Variants in DNMT1 observed in about 807,000 individuals in gnomAD.
DNMT1 encodes DNA (cytosine-5)-methyltransferase 1.
Under a neutral mutation model 205.3 loss-of-function variants are expected in DNMT1, and 24 were observed. The ratio of observed to expected loss-of-function variants is 0.12; its 90% confidence interval spans 0.08 to 0.16. DNMT1 has a LOEUF of 0.16. Among genes scored for constraint, DNMT1 ranks in the 10% least tolerant of loss-of-function variants. The probability of loss-of-function intolerance (pLI) is 1.00; values close to 1 mark genes in which losing one functional copy is unlikely to be tolerated. For synonymous variants in DNMT1, 817 were observed against 839.8 expected (o/e 0.97, Z 0.47); for missense variants, 1,293 against 2,177.7 (o/e 0.59, Z 8.09).
intron 13 of DNMT1, 48 bp downstream of exon 13, chr19:10,162,619 G>GA: frequency 3.6e-6 from 5 of 1,407,808 alleles, no homozygotes; most frequent in South Asian, 1.2e-5. Flanking sequence ...CCCGTCTTGG[G>GA]GAAAAAAAAA....
intron 38 of DNMT1, 48 bp from the exon 39 acceptor site, chr19:10,135,900 G>A (rs1262269688): frequency 6.5e-7 from 1 of 1,531,302 alleles, no homozygotes; most frequent in Non-Finnish European, 8.8e-7. Flanking sequence ...CCCAGGCCGG[G>A]TCACCGTCGG....
intron 10 of DNMT1, among the ~76,000 whole-genome samples, chr19:10,167,525 G>A (rs2038722609): frequency 6.6e-6 from 1 of 152,174 alleles, no homozygotes; most frequent in African/African-American, 2.4e-5. Context: ...GTTTGAAAAA[G>A]TGCTACTTTT....
Position 10,137,948 on chromosome 19 carries a change from C to T in DNMT1, c.4177G>A (p.Val1393Met). The T allele has an allele frequency of 6.2e-7, 1 of 1,612,078 alleles. No individual in the cohort carries two copies. The highest frequency in any genetic ancestry group is 8.5e-7 in the Non-Finnish European group (1 of 1,179,370). The change falls in exon 36 of 41, where the codon GTG becomes ATG. Residue 1393 changes from valine to methionine, a missense_variant. By Grantham distance (21) the Val-to-Met change is conservative. This residue lies in a region of DNMT1 where 148 missense variants were observed against 256.1 expected (regional missense o/e 0.58). Transcript: ENST00000359526. This position sits in a 1 kb window ranked among gnomAD's most constrained non-coding sequence, Gnocchi z 6.4. ...VRDTMSDLPEVRNGASALEIS... is the reference protein window; with the variant it reads ...VRDTMSDLPEMRNGASALEIS... ...TCCAGTGCCGAGGCTCCATTCCGCA[C>T]CTCCGGCAGGTCGGACATCGTGTCT...
chr19:10,150,732 G>A (rs1294355774), intron 24 of DNMT1, among the ~76,000 whole-genome samples: 1 of 152,182 alleles, frequency 6.6e-6, no homozygotes, highest in African/African-American at 2.4e-5. Context: ...CGGATGGGAG[G>A]CCATCTGTTG....
chr19:10,178,140 C>T (rs1477844893), intron 5 of DNMT1, among the ~76,000 whole-genome samples: 1 of 151,066 alleles, frequency 6.6e-6, no homozygotes, highest in Admixed American at 6.6e-5. Context: ...GCCTGTAGTC[C>T]CAGCTCCTCA....
At chr19:10,161,959 A>G (rs1217583072) in intron 13 of DNMT1, among the ~76,000 whole-genome samples, 2 of 151,484 alleles carry the variant, frequency 1.3e-5, no homozygotes, top group Non-Finnish European at 2.9e-5. Flanking sequence ...CTCCTGCCTC[A>G]GCTTCCCAAG....
intron 1 of DNMT1, among the ~76,000 whole-genome samples, chr19:10,191,268 A>G (rs1474809597): frequency 6.6e-6 from 1 of 151,764 alleles, no homozygotes; most frequent in Non-Finnish European, 1.5e-5. Context: ...GCCACAGAGC[A>G]AGACCCTGCC....
chr19:10,136,985 G>A, intron 37 of DNMT1, 100 bp downstream of exon 37: 5 of 1,491,122 alleles, frequency 3.4e-6, no homozygotes, highest in South Asian at 1.2e-5. Flanking sequence ...GGCTTGGTGT[G>A]TCTGTGCCCT....
chr19:10,140,177 C>T lies in DNMT1; in HGVS notation c.3675G>A (p.Gln1225=). ...CCACGTCTCCCTTCTGGGGCAGCCG[C>T]TGGCCGCGGGAGTTGGTGGTCTCCC... The part of the protein sequence containing the change: ...MAGETTNSRG[Q]RLPQKGDVEM... Residue 1225 remains glutamine, a synonymous_variant, in exon 33 of 41, where the codon CAG becomes CAA. Transcript: ENST00000359526. The surrounding 1 kb of genome is among the most constrained non-coding windows in gnomAD (Gnocchi z 8.4). The T allele has an allele frequency of 6.2e-7, 1 of 1,613,994 alleles. No individual in the cohort carries two copies. The highest frequency in any genetic ancestry group is 8.5e-7 in the Non-Finnish European group (1 of 1,180,042).
At chr19:10,152,936 C>CAAAAAAAA (rs34698448) in intron 22 of DNMT1, among the ~76,000 whole-genome samples, 1 of 72,588 alleles carries the variant, frequency 1.4e-5, no homozygotes, top group Non-Finnish European at 3.3e-5. Context: ...CCTGTCTCTA[C>CAAAAAAAA]AAAAAAAAAA....
chr19:10,143,635 A>G lies in DNMT1; in HGVS notation c.3116+131T>C, dbSNP rs1192214148. Reference sequence around the variant, plus strand: ...ATTATCAGTGCCCACCGATAATCAGAAACACTTGGAAAAACAGCTACTTCA... The same window carrying G: ...ATTATCAGTGCCCACCGATAATCAGGAACACTTGGAAAAACAGCTACTTCA... On this transcript the variant is annotated intron_variant, in intron 29 of 40. Transcript: ENST00000359526. 6.6e-6 allele frequency: 7 copies of G among 1,053,662 alleles called. No homozygotes were observed. In the South Asian group the frequency reaches 7.7e-5, roughly 12 times the overall value. The allele number at this position is 1,053,662 out of a possible 1,614,324, so 65.3% of individuals were successfully genotyped here.
Position 10,159,484 on chromosome 19 carries a change from C to T in DNMT1, c.1280+174G>A, listed in dbSNP as rs1371222471. Among the ~76,000 whole-genome samples the T allele has an allele frequency of 1.3e-5, 2 of 152,182 alleles. No individual in the cohort carries two copies. The highest frequency in any genetic ancestry group is 4.1e-4 in the South Asian group (2 of 4,832). ...TCGGCCTCCCAAAGTGCTAGGATTA[C>T]AGGCATGAGCCACCGCGCCCAGCCC... On this transcript the variant is annotated intron_variant, in intron 17 of 40. Coordinates refer to ENST00000359526, the MANE Select transcript of DNMT1 (RefSeq NM_001130823.3). This position sits in a 1 kb window ranked among gnomAD's most constrained non-coding sequence, Gnocchi z 5.0.
At chr19:10,145,234 C>T (rs1411434188) in intron 28 of DNMT1, among the ~76,000 whole-genome samples, 4 of 152,210 alleles carry the variant, frequency 2.6e-5, no homozygotes, top group Non-Finnish European at 4.4e-5. Context: ...AGGAGTCTGA[C>T]GGGCCCCAAA....
chr19:10,188,664 T>C lies in DNMT1; in HGVS notation c.80+6156A>G, dbSNP rs75933562. On this transcript the variant is annotated intron_variant, in intron 1 of 40. Transcript: ENST00000359526. The stretch of plus-strand genomic sequence containing the variant: ...GAATACAGACCTTGAGATGGGGAGA[T>C]TATCCTGGATTATCTGGGGTGGGCC... 4.9e-3 allele frequency among the ~76,000 whole-genome samples: 749 copies of C among 152,276 alleles called. 5 individuals are homozygous for C. The highest frequency in any genetic ancestry group is 0.017 in the African/African-American group (715 of 41,572).
rs1186663009 is a variant in DNMT1 at position 10,146,095 on chromosome 19, C to T, written c.2894+256G>A. Among the ~76,000 whole-genome samples the T allele has an allele frequency of 2.0e-5, 3 of 152,082 alleles. No homozygotes were observed. The East Asian group carries it at 5.8e-4, about 29-fold the overall frequency. ...TCCCCACTGCCTCGGCCTCCCAAAGCGCTGGGATTACAGGCGTGAGAAACC... is the reference window on the plus strand; with the variant it reads ...TCCCCACTGCCTCGGCCTCCCAAAGTGCTGGGATTACAGGCGTGAGAAACC... On this transcript the variant is annotated intron_variant, in intron 28 of 40. Coordinates refer to ENST00000359526, the MANE Select transcript of DNMT1 (RefSeq NM_001130823.3). This position sits in a 1 kb window ranked among gnomAD's most constrained non-coding sequence, Gnocchi z 4.4.
Position 10,194,943 on chromosome 19 carries a change from C to T in DNMT1, c.-44G>A, listed in dbSNP as rs755440003. The T allele has an allele frequency of 1.9e-6, 3 of 1,570,892 alleles. No individual in the cohort carries two copies. Among genetic ancestry groups the T allele is most frequent in the Admixed American group, 1.9e-5 (1 of 53,916 alleles). The stretch of plus-strand genomic sequence containing the variant: ...CGCGGCGGCGGCAGCGCAGGCGCCC[C>T]GGCTTTTCGCGCGGAAACCGATGGG... On this transcript the variant is annotated 5_prime_UTR_variant, in exon 1 of 41. Transcript: ENST00000359526.
chr19:10,152,519 G>A (rs1007016948), intron 22 of DNMT1, among the ~76,000 whole-genome samples: 1 of 152,002 alleles, frequency 6.6e-6, no homozygotes, highest in African/African-American at 2.4e-5. Context: ...CGGCAACTCA[G>A]GATGCTAAGG....
At position 10,192,241 on chromosome 19, in the gene DNMT1, G is replaced by A. The variant is rs1181350411; in HGVS notation, c.80+2579C>T. 2.6e-5 allele frequency among the ~76,000 whole-genome samples: 4 copies of A among 151,820 alleles called. No individual in the cohort carries two copies. The East Asian group carries it at 7.7e-4, about 29-fold the overall frequency. ...TTCAAGGCTGCAGTAAGCCATGACT[G>A]TGCCACTGCATTCCAGCCTGGGTGA... On this transcript the variant is annotated intron_variant, in intron 1 of 40. Transcript: ENST00000359526.
chr19:10,178,217 A>G (rs917383379), intron 5 of DNMT1, among the ~76,000 whole-genome samples: 1 of 151,956 alleles, frequency 6.6e-6, no homozygotes, highest in African/African-American at 2.4e-5. Context: ...AGATTGTGCC[A>G]CTGCACTCCA....
Sources: gnomAD v4.1 joint callset for allele counts (sites outside exome capture counted in the v4.1 genomes callset) on GRCh38, gnomAD v4.1.1 for gene constraint, gnomAD v4.1.1 regional missense constraint, Gnocchi (gnomAD v3.1) non-coding constraint, MANE v1.5 for transcripts, NCBI Gene and HGNC (gene_info 2026-07-23, HGNC 2026-07-21) for gene names.